The following FSHR variants were observed in gnomAD, a reference collection of about 807,000 sequenced individuals.
FSHR encodes follicle stimulating hormone receptor.
In FSHR, 46 loss-of-function variants were observed where a neutral mutation model predicts 52.1. The observed-to-expected ratio is 0.88, with a 90% CI of 0.70 to 1.13. The LOEUF is 1.13. Among genes scored for constraint, FSHR ranks in the 50% most tolerant of loss-of-function variants. The pLI is 0.00. For synonymous variants in FSHR, 399 were observed against 309.6 expected, an observed-to-expected ratio of 1.29 and a Z score of -3.03; for missense variants, 964 against 834.6, an observed-to-expected ratio of 1.16 and a Z score of -1.91.
intron 2 of FSHR, among the ~76,000 whole-genome samples, chr2:49,066,409 C>T (rs1226926755): frequency 6.6e-6 from 1 of 151,702 alleles, no homozygotes; most frequent in Non-Finnish European, 1.5e-5. Flanking sequence ...TCTTGGTGAC[C>T]AAGAGTGTAA....
chr2:49,038,190 A>C (rs1668340274), intron 2 of FSHR, among the ~76,000 whole-genome samples: 1 of 152,250 alleles, frequency 6.6e-6, no homozygotes, highest in African/African-American at 2.4e-5. Context: ...TTTACCACTC[A>C]TAAATTTTAA....
chr2:49,089,505 C>T (rs1391308598), intron 1 of FSHR, among the ~76,000 whole-genome samples: 2 of 152,018 alleles, frequency 1.3e-5, no homozygotes, highest in African/African-American at 4.8e-5. Flanking sequence ...ATAGCATTGG[C>T]CAACAGAAAC....
At chr2:48,968,425 A>G (rs936447883) in intron 9 of FSHR, among the ~76,000 whole-genome samples, 97 of 152,214 alleles carry the variant, frequency 6.4e-4, no homozygotes, top group African/African-American at 2.2e-3. Flanking sequence ...CTGAGGCACT[A>G]TGCTTAGTAT....
chr2:49,010,415 C>T (rs2104181269), intron 4 of FSHR, among the ~76,000 whole-genome samples: 1 of 152,072 alleles, frequency 6.6e-6, no homozygotes, highest in Middle Eastern at 3.4e-3. Flanking sequence ...TGATGTGTTG[C>T]TGGATTCAGT....
chr2:48,991,242 C>T (rs561317338), intron 4 of FSHR, among the ~76,000 whole-genome samples: 2 of 152,248 alleles, frequency 1.3e-5, no homozygotes, highest in South Asian at 2.1e-4. Flanking sequence ...GCCTGGCTTT[C>T]CCGGGAAGCA....
intron 1 of FSHR, among the ~76,000 whole-genome samples, chr2:49,102,678 A>C (rs1210306602): frequency 6.6e-6 from 1 of 152,180 alleles, no homozygotes; most frequent in Non-Finnish European, 1.5e-5. Flanking sequence ...TCAATTTTTG[A>C]ATGGATTAGC....
intron 8 of FSHR, among the ~76,000 whole-genome samples, chr2:48,973,484 G>A (rs1467442186): frequency 6.6e-6 from 1 of 152,202 alleles, no homozygotes; most frequent in African/African-American, 2.4e-5. Context: ...AAATTTTAAT[G>A]AGGCAATAGA....
chr2:49,023,079 A>G (rs1196956958), intron 2 of FSHR, among the ~76,000 whole-genome samples: 1 of 152,040 alleles, frequency 6.6e-6, no homozygotes, highest in African/African-American at 2.4e-5. Flanking sequence ...TCATAGGTGG[A>G]TATGCAGAGT....
chr2:49,065,687 A>G (rs2104335950), intron 2 of FSHR, among the ~76,000 whole-genome samples: 1 of 152,244 alleles, frequency 6.6e-6, no homozygotes, highest in East Asian at 1.9e-4. Flanking sequence ...GAGGTTGCAG[A>G]TGAAAGTTTA....
chr2:49,013,484 A>G (rs1209672776), intron 4 of FSHR, among the ~76,000 whole-genome samples: 1 of 92,842 alleles, frequency 1.1e-5, no homozygotes, highest in Non-Finnish European at 2.3e-5. Flanking sequence ...ATATATAAAT[A>G]AATATATATA....
intron 1 of FSHR, among the ~76,000 whole-genome samples, chr2:49,103,775 T>C (rs1671120478): frequency 6.6e-6 from 1 of 152,186 alleles, no homozygotes; most frequent in South Asian, 2.1e-4. Context: ...CCTCTCATGA[T>C]GTTCAGGGAT....
intron 1 of FSHR, among the ~76,000 whole-genome samples, chr2:49,149,263 A>C (rs995457456): frequency 6.6e-6 from 1 of 152,006 alleles, no homozygotes; most frequent in Non-Finnish European, 1.5e-5. Flanking sequence ...CAGAACAGGT[A>C]ATACCTGGTT....
chr2:49,090,958 TTTTTC>T (rs1670584382), intron 1 of FSHR, among the ~76,000 whole-genome samples: 1 of 152,122 alleles, frequency 6.6e-6, no homozygotes, highest in South Asian at 2.1e-4. Context: ...AAAAAAATTT[TTTTTC>T]TTGTTTTCTT....
chr2:48,988,098 A>G (rs553857939), intron 6 of FSHR, among the ~76,000 whole-genome samples: 1 of 152,248 alleles, frequency 6.6e-6, no homozygotes, highest in African/African-American at 2.4e-5. Flanking sequence ...AAGTGTTATA[A>G]TCTGTCTACT....
intron 2 of FSHR, among the ~76,000 whole-genome samples, chr2:49,021,886 T>TATAGAGAG (rs1273265515): frequency 8.0e-4 from 20 of 25,108 alleles, no homozygotes; most frequent in Non-Finnish European, 9.5e-4. Flanking sequence ...TATATATATA[T>TATAGAGAG]AGAGAGAGAG....
chr2:48,975,576 C>G (rs1370783257), intron 8 of FSHR, among the ~76,000 whole-genome samples: 1 of 152,168 alleles, frequency 6.6e-6, no homozygotes, highest in Non-Finnish European at 1.5e-5. Context: ...GGTTCTCCAG[C>G]TTGCAGATAG....
chr2:48,989,105 A>G (rs1283662516), intron 5 of FSHR, 51 bp from the exon 6 acceptor site: 1 of 1,457,972 alleles, frequency 6.9e-7, no homozygotes, highest in Non-Finnish European at 9.6e-7. Context: ...CTACTCATGT[A>G]ACCTTCCAAA....
At chr2:49,039,416 T>C (rs1668404542) in intron 2 of FSHR, among the ~76,000 whole-genome samples, 1 of 152,246 alleles carries the variant, frequency 6.6e-6, no homozygotes, top group African/African-American at 2.4e-5. Flanking sequence ...CCTGCTGCAC[T>C]GTCTAGACTC....
intron 6 of FSHR, among the ~76,000 whole-genome samples, chr2:48,983,508 A>G (rs975532085): frequency 2.6e-5 from 4 of 152,226 alleles, no homozygotes; most frequent in Admixed American, 1.3e-4. Flanking sequence ...GGAGCGACAG[A>G]TCTTTCTCAT....
Sources: allele counts gnomAD v4.1 joint callset (sites outside exome capture counted in the v4.1 genomes callset), GRCh38; gene constraint gnomAD v4.1.1; transcripts MANE v1.5; gene names NCBI Gene and HGNC (gene_info 2026-07-23, HGNC 2026-07-21).